ALDH1A2: variants seen among roughly 807,000 people sequenced by gnomAD.
ALDH1A2 encodes the protein aldehyde dehydrogenase 1 family member A2, also known as retinal dehydrogenase 2.
Under a neutral mutation model 60.3 loss-of-function variants are expected in ALDH1A2, and 27 were observed. The observed-to-expected ratio is 0.45, with a 90% CI of 0.33 to 0.62. The LOEUF (loss-of-function observed/expected upper bound fraction) is 0.62, where lower values mean the gene tolerates loss of function less well. Among genes scored for constraint, ALDH1A2 ranks in the 20% least tolerant of loss-of-function variants. The probability of loss-of-function intolerance (pLI) is 0.02; values close to 1 mark genes in which losing one functional copy is unlikely to be tolerated. For synonymous variants in ALDH1A2, 289 were observed against 232.4 expected (o/e 1.24, Z -2.21); for missense variants, 581 against 643.8 (o/e 0.90, Z 1.06).
intron 1 of ALDH1A2, chr15:58,065,263 C>G: frequency 2.1e-6 from 1 of 478,818 alleles, no homozygotes; most frequent in South Asian, 2.1e-5. Context: ...AGAAACCAGC[C>G]TCAGAGTCCG....
chr15:57,975,556 T>C (rs1437521214), intron 7 of ALDH1A2, among the ~76,000 whole-genome samples: 2 of 152,218 alleles, frequency 1.3e-5, no homozygotes, highest in African/African-American at 4.8e-5. Context: ...ATGATGTTGG[T>C]GCTCAAAATG....
At chr15:58,012,959 TA>T (rs1895676930) in intron 3 of ALDH1A2, among the ~76,000 whole-genome samples, 2 of 152,192 alleles carry the variant, frequency 1.3e-5, no homozygotes, top group African/African-American at 4.8e-5. Context: ...CATACATTCC[TA>T]AATGCTTTCA....
intron 1 of ALDH1A2, among the ~76,000 whole-genome samples, chr15:58,055,364 TATTC>T (rs1896870675): frequency 1.3e-5 from 2 of 152,090 alleles, no homozygotes; most frequent in Non-Finnish European, 2.9e-5. Context: ...ATATAACAAG[TATTC>T]ATTAAGAAAA....
chr15:57,953,658 G>GTAAA lies in ALDH1A2; in HGVS notation c.*1535_*1538dup, dbSNP rs1566924909. 1 of 152,540 alleles carries GTAAA rather than the reference G, an allele frequency of 6.6e-6. No homozygotes were observed. Among genetic ancestry groups the GTAAA allele is most frequent in the Non-Finnish European group, 1.5e-5 (1 of 68,046 alleles). The allele number at this position is 152,540 out of a possible 1,614,324, so 9.4% of individuals were successfully genotyped here. ...TGGGCTGCTGAATGCACTGTCGTTT[G>GTAAA]TAAATAACAGCAAGTGGAGACTTTA... On this transcript the variant is annotated 3_prime_UTR_variant, in exon 13 of 13. Coordinates refer to ENST00000249750, the MANE Select transcript of ALDH1A2 (RefSeq NM_003888.4).
intron 1 of ALDH1A2, among the ~76,000 whole-genome samples, chr15:58,020,025 G>A (rs1322039312): frequency 8.4e-6 from 1 of 118,388 alleles, no homozygotes; most frequent in African/African-American, 3.3e-5. Context: ...TCCCTTCCTT[G>A]AATCCAAGTG....
intron 12 of ALDH1A2, among the ~76,000 whole-genome samples, chr15:57,957,752 A>C (rs1412543992): frequency 6.6e-6 from 1 of 152,168 alleles, no homozygotes; most frequent in Non-Finnish European, 1.5e-5. Context: ...TTCGCCAGCC[A>C]TTTTAGGACT....
intron 1 of ALDH1A2, among the ~76,000 whole-genome samples, chr15:58,047,794 C>T (rs1401737896): frequency 3.3e-5 from 5 of 151,906 alleles, no homozygotes; most frequent in Admixed American, 6.6e-5. Flanking sequence ...TATTCATTCG[C>T]TTTGCTTCAC....
chr15:58,031,858 G>T (rs1424303842), intron 1 of ALDH1A2, among the ~76,000 whole-genome samples: 8 of 152,270 alleles, frequency 5.3e-5, no homozygotes, highest in Non-Finnish European at 7.4e-5. Flanking sequence ...GGAAACAACA[G>T]GTGCTGGAGA....
At chr15:58,039,898 CTATTATA>C (rs1180096699) in intron 1 of ALDH1A2, among the ~76,000 whole-genome samples, 1 of 151,670 alleles carries the variant, frequency 6.6e-6, no homozygotes, top group Non-Finnish European at 1.5e-5. Context: ...TCTTAGTCAC[CTATTATA>C]TGGTAGGCAC....
chr15:57,991,570 A>G (rs969858715), intron 7 of ALDH1A2: 1 of 152,234 alleles, frequency 6.6e-6, no homozygotes, highest in African/African-American at 2.4e-5. Flanking sequence ...AGAACGTGAA[A>G]TGTGGCTAGT....
At chr15:58,013,156 A>G (rs1895685693) in intron 3 of ALDH1A2, among the ~76,000 whole-genome samples, 1 of 152,222 alleles carries the variant, frequency 6.6e-6, no homozygotes, top group Admixed American at 6.5e-5. Flanking sequence ...CAAACGGAGC[A>G]GAAGTGTATG....
At chr15:57,995,237 C>CA (rs1344609861) in intron 4 of ALDH1A2, 98 bp from the exon 5 acceptor site, 5 of 474,032 alleles carry the variant, frequency 1.1e-5, no homozygotes, top group Admixed American at 3.8e-5. Context: ...AAAAAAAAAA[C>CA]AAACAGAAAT....
intron 1 of ALDH1A2, among the ~76,000 whole-genome samples, chr15:58,048,391 A>G (rs1896687046): frequency 6.6e-6 from 1 of 152,044 alleles, no homozygotes; most frequent in African/African-American, 2.4e-5. Flanking sequence ...CTTCTCACAT[A>G]TCCATCTAAC....
chr15:58,022,408 T>C (rs758125978), intron 1 of ALDH1A2, among the ~76,000 whole-genome samples: 4 of 152,054 alleles, frequency 2.6e-5, no homozygotes, highest in Non-Finnish European at 4.4e-5. Flanking sequence ...CCAATATCCA[T>C]GCACACTACT....
At chr15:57,960,608 C>T (rs1433475409) in intron 12 of ALDH1A2, among the ~76,000 whole-genome samples, 162 bp downstream of exon 12, 2 of 152,178 alleles carry the variant, frequency 1.3e-5, no homozygotes, top group Non-Finnish European at 2.9e-5. Context: ...TTATTCATCT[C>T]TATAACATGT....
At chr15:58,004,693 T>TGTGTGTG (rs1895389537) in intron 4 of ALDH1A2, among the ~76,000 whole-genome samples, 1 of 137,056 alleles carries the variant, frequency 7.3e-6, no homozygotes, top group Non-Finnish European at 1.6e-5. Context: ...ATCCCATGAT[T>TGTGTGTG]TGTGTGTGTG....
intron 1 of ALDH1A2, among the ~76,000 whole-genome samples, chr15:58,041,041 C>A (rs1249962270): frequency 6.6e-6 from 1 of 151,894 alleles, no homozygotes; most frequent in East Asian, 1.9e-4. Context: ...CCTGGAGCAA[C>A]TTCCTTCATG....
chr15:57,965,764 C>T lies in ALDH1A2; in HGVS notation c.862G>A (p.Gly288Arg), dbSNP rs1410576445. 2 of 1,614,182 alleles carry T rather than the reference C, an allele frequency of 1.2e-6. No individual in the cohort carries two copies. Among genetic ancestry groups the T allele is most frequent in the Non-Finnish European group, 1.7e-6 (2 of 1,180,004 alleles). Residue 288 changes from glycine (G) to arginine (R), a missense_variant, in exon 8 of 13, where the codon GGA (glycine) becomes AGA (arginine). Physicochemically the swap from Gly to Arg is moderately radical, Grantham distance 125. Around this residue, in one of 2 missense-constraint regions of ALDH1A2, gnomAD observed 375 missense variants for 469.7 expected, o/e 0.80. Coordinates refer to ENST00000249750, the MANE Select transcript of ALDH1A2 (RefSeq NM_003888.4). ...AAAATAATATTAGGACTTTTGCCTC[C>T]AAGTTCCAGAGTTACTCTCTTCAAA... ...SNLKRVTLEL[G>R]GKSPNIIFAD...
chr15:57,957,630 G>GAAAC (rs1448221465), intron 12 of ALDH1A2, among the ~76,000 whole-genome samples: 29 of 152,246 alleles, frequency 1.9e-4, no homozygotes, highest in African/African-American at 7.0e-4. Context: ...ACATCAGGAC[G>GAAAC]AAACAGCAAG....
Sources: gnomAD v4.1 joint callset for allele counts (sites outside exome capture counted in the v4.1 genomes callset) on GRCh38, gnomAD v4.1.1 for gene constraint, gnomAD v4.1.1 regional missense constraint, MANE v1.5 for transcripts, NCBI Gene and HGNC (gene_info 2026-07-23, HGNC 2026-07-21) for gene names.